Variants in TSC22D1 observed in about 807,000 individuals in gnomAD.
TSC22D1 encodes TSC22 domain family member 1, also known as TSC22 domain family protein 1.
Under a neutral mutation model 74.2 loss-of-function variants are expected in TSC22D1, and 9 were observed. The observed-to-expected ratio is 0.12, with a 90% CI of 0.07 to 0.21. The LOEUF is 0.21. Among genes scored for constraint, TSC22D1 ranks in the 10% least tolerant of loss-of-function variants. TSC22D1 has a pLI of 1.00. For synonymous variants in TSC22D1, 586 were observed against 492.5 expected, an observed-to-expected ratio of 1.19 and a Z score of -2.51; for missense variants, 1,427 against 1,304.7, an observed-to-expected ratio of 1.09 and a Z score of -1.44.
chr13:44,511,661 G>A (rs1243653983), intron 1 of TSC22D1, among the ~76,000 whole-genome samples: 3 of 149,652 alleles, frequency 2.0e-5, no homozygotes, highest in African/African-American at 7.4e-5. Flanking sequence ...CTTTTTTGTT[G>A]TTGTTAAACA....
chr13:44,522,104 GT>G (rs1157789411), intron 1 of TSC22D1, among the ~76,000 whole-genome samples: 1 of 152,186 alleles, frequency 6.6e-6, no homozygotes, highest in Non-Finnish European at 1.5e-5. Context: ...AGAACTAAAT[GT>G]TTAGATATAA....
intron 1 of TSC22D1, chr13:44,537,149 T>C (rs1881196489): frequency 1.1e-6 from 1 of 878,972 alleles, no homozygotes. Flanking sequence ...TATCACATAA[T>C]ACAGATATTA....
chr13:44,443,441 AG>A (rs1296175660), intron 1 of TSC22D1, among the ~76,000 whole-genome samples: 1 of 152,218 alleles, frequency 6.6e-6, no homozygotes, highest in Non-Finnish European at 1.5e-5. Context: ...TTCAGACAGA[AG>A]GAAAATGATA....
intron 1 of TSC22D1, among the ~76,000 whole-genome samples, chr13:44,519,873 A>C (rs1331870436): frequency 6.6e-6 from 1 of 152,180 alleles, no homozygotes; most frequent in Admixed American, 6.5e-5. Context: ...CAACAGGACT[A>C]GATGATGGAT....
intron 1 of TSC22D1, among the ~76,000 whole-genome samples, chr13:44,563,480 T>C (rs937180670): frequency 6.6e-6 from 1 of 152,220 alleles, no homozygotes; most frequent in African/African-American, 2.4e-5. Context: ...TACACTAATC[T>C]TCCCTGAACA....
chr13:44,574,467 T>C lies in TSC22D1; in HGVS notation c.1608A>G (p.Pro536=), dbSNP rs2138263025. ...GPQSIPAVSI[P]QSISQSQISQ... ...AGATCTGTGACTGAGAAATACTCTG[T>C]GGTATACTAACTGCTGGAATACTCT... Residue 536 remains proline, a synonymous_variant, in exon 1 of 3, where the codon CCA becomes CCG. Transcript: ENST00000458659. 6.2e-7 allele frequency: 1 copy of C among 1,614,006 alleles called. No individual in the cohort carries two copies. Among genetic ancestry groups the C allele is most frequent in the South Asian group, 1.1e-5 (1 of 91,082 alleles).
At chr13:44,436,192 C>A (rs1874604338) in intron 1 of TSC22D1, 97 bp from the exon 2 acceptor site, 1 of 1,346,980 alleles carries the variant, frequency 7.4e-7, no homozygotes, top group African/African-American at 1.5e-5. Flanking sequence ...TTGCTAGCAT[C>A]ATATTTTGAA....
intron 1 of TSC22D1, among the ~76,000 whole-genome samples, chr13:44,553,455 G>A (rs1301936961): frequency 6.6e-6 from 1 of 151,834 alleles, no homozygotes; most frequent in Non-Finnish European, 1.5e-5. Context: ...ACCAGATATT[G>A]ACTTATAATC....
chr13:44,539,853 A>G (rs1430883163), intron 1 of TSC22D1: 1 of 1,289,496 alleles, frequency 7.8e-7, no homozygotes, highest in Non-Finnish European at 1.0e-6. Context: ...CTGACGTCAA[A>G]AGCTCTCCGT....
chr13:44,434,107 T>C lies in TSC22D1; in HGVS notation c.*519A>G, dbSNP rs1874302837. 3 of 1,501,604 alleles carry C rather than the reference T, an allele frequency of 2.0e-6. No homozygotes were observed. The highest frequency in any genetic ancestry group is 2.6e-6 in the Non-Finnish European group (3 of 1,138,372). The allele number at this position is 1,501,604 out of a possible 1,614,324, so 93.0% of individuals were successfully genotyped here. A position where few individuals can be genotyped will look rare whatever the true frequency, so the allele number is the denominator to read the frequency against. On this transcript the variant is annotated 3_prime_UTR_variant, in exon 3 of 3. Coordinates refer to ENST00000458659, the MANE Select transcript of TSC22D1 (RefSeq NM_183422.4). ...AAAGAGGCACAGTACTATTGTTTTT[T>C]ATGAATTTTGGTGACAGTTGTCAAA...
At chr13:44,553,399 T>TTA (rs1882419177) in intron 1 of TSC22D1, among the ~76,000 whole-genome samples, 1 of 152,210 alleles carries the variant, frequency 6.6e-6, no homozygotes, top group African/African-American at 2.4e-5. Context: ...TTTTGAAACT[T>TTA]TATAGATTTC....
intron 1 of TSC22D1, among the ~76,000 whole-genome samples, chr13:44,554,533 C>T (rs1408342756): frequency 6.7e-6 from 1 of 148,622 alleles, no homozygotes; most frequent in Non-Finnish European, 1.5e-5. Flanking sequence ...TTTCTTCATA[C>T]CCTTAGTATC....
Position 44,439,315 on chromosome 13 carries a change from T to G in TSC22D1, c.2913-3220A>C, listed in dbSNP as rs567775207. Among the ~76,000 whole-genome samples, 89 of 152,380 alleles carry G rather than the reference T, an allele frequency of 5.8e-4. 1 individual carries two copies. In the South Asian group the frequency reaches 0.018, roughly 31 times the overall value. On this transcript the variant is annotated intron_variant, in intron 1 of 2. Coordinates refer to ENST00000458659, the MANE Select transcript of TSC22D1 (RefSeq NM_183422.4). ...AAGGATAGGCAACTAAAAAAATGAT[T>G]AGAAATCTAATTTTCTCATATATTT...
At chr13:44,531,212 A>G (rs1387689708) in intron 1 of TSC22D1, among the ~76,000 whole-genome samples, 2 of 152,198 alleles carry the variant, frequency 1.3e-5, no homozygotes, top group African/African-American at 4.8e-5. Flanking sequence ...GGGAGGGAGG[A>G]GGAGGTAAAT....
chr13:44,434,479 G>A lies in TSC22D1; in HGVS notation c.*147C>T. ...CATAAGCATATGAGTGTTTAATACT[G>A]GAAAAGAGATAATGGCATATGTCAG... On this transcript the variant is annotated 3_prime_UTR_variant, in exon 3 of 3. Transcript: ENST00000458659. The A allele has an allele frequency of 7.2e-7, 1 of 1,387,086 alleles. No individual in the cohort carries two copies. Among genetic ancestry groups the A allele is most frequent in the African/African-American group, 1.5e-5 (1 of 68,232 alleles). The allele number at this position is 1,387,086 out of a possible 1,614,324, so 85.9% of individuals were successfully genotyped here.
intron 1 of TSC22D1, chr13:44,516,293 C>A: frequency 4.5e-6 from 2 of 443,562 alleles, no homozygotes; most frequent in East Asian, 6.6e-5. Context: ...AAGCACCTCC[C>A]TTTACCAGCT....
intron 1 of TSC22D1, among the ~76,000 whole-genome samples, chr13:44,513,403 C>T (rs1415046767): frequency 2.0e-5 from 3 of 152,092 alleles, no homozygotes; most frequent in Non-Finnish European, 4.4e-5. Flanking sequence ...CAATACTATA[C>T]CAATTTAAAT....
At chr13:44,565,259 T>C (rs1883295986) in intron 1 of TSC22D1, among the ~76,000 whole-genome samples, 1 of 151,468 alleles carries the variant, frequency 6.6e-6, no homozygotes, top group Non-Finnish European at 1.5e-5. Flanking sequence ...GGAAACAGAG[T>C]CTGACAGAAG....
Position 44,574,175 on chromosome 13 carries a change from G to A in TSC22D1, c.1900C>T (p.Pro634Ser), listed in dbSNP as rs1884009639. The A allele has an allele frequency of 1.2e-6, 2 of 1,614,156 alleles. No individual in the cohort carries two copies. Among genetic ancestry groups the A allele is most frequent in the Non-Finnish European group, 1.7e-6 (2 of 1,180,056 alleles). The change falls in exon 1 of 3, where the codon CCA becomes TCA. Residue 634 changes from proline (P) to serine (S), a missense_variant. Coordinates refer to ENST00000458659, the MANE Select transcript of TSC22D1 (RefSeq NM_183422.4). ...PQQLQYGQQQPMVSTQMAPGH... is the reference protein window; with the variant it reads ...PQQLQYGQQQSMVSTQMAPGH... ...GGGGCCATCTGTGTAGAAACCATTG[G>A]TTGCTGTTGTCCATACTGTAACTGT...
Sources: gnomAD v4.1 joint callset for allele counts (sites outside exome capture counted in the v4.1 genomes callset) on GRCh38, gnomAD v4.1.1 for gene constraint, MANE v1.5 for transcripts, NCBI Gene and HGNC (gene_info 2026-07-23, HGNC 2026-07-21) for gene names.